Variants in KIZ observed in about 807,000 individuals in gnomAD.
KIZ encodes kizuna centrosomal protein.
Under a neutral mutation model 79.6 loss-of-function variants are expected in KIZ, and 68 were observed. The observed-to-expected ratio is 0.85, with a 90% CI of 0.70 to 1.05. The LOEUF is 1.05. Among genes scored for constraint, KIZ ranks in the 50% least tolerant of loss-of-function variants. The pLI is 0.00. For synonymous variants in KIZ, 280 were observed against 281.8 expected, an observed-to-expected ratio of 0.99 and a Z score of 0.06; for missense variants, 797 against 800.4, an observed-to-expected ratio of 1.00 and a Z score of 0.05.
intron 6 of KIZ, among the ~76,000 whole-genome samples, chr20:21,164,224 G>T (rs891962223): frequency 2.6e-5 from 4 of 152,044 alleles, no homozygotes; most frequent in African/African-American, 9.7e-5. Context: ...TTAATATATT[G>T]CCTCTTACCA....
At chr20:21,160,353 T>G (rs2033596295) in intron 4 of KIZ, among the ~76,000 whole-genome samples, 1 of 152,092 alleles carries the variant, frequency 6.6e-6, no homozygotes, top group African/African-American at 2.4e-5. Flanking sequence ...ACTCACCAGT[T>G]AAAACTCCCC....
chr20:21,127,936 G>A (rs1410533111), intron 1 of KIZ, among the ~76,000 whole-genome samples: 1 of 152,224 alleles, frequency 6.6e-6, no homozygotes, highest in Non-Finnish European at 1.5e-5. Flanking sequence ...AAAGCTGAAA[G>A]CTGTAGTTTT....
chr20:21,149,122 T>G (rs1396495923), intron 4 of KIZ, among the ~76,000 whole-genome samples: 1 of 152,112 alleles, frequency 6.6e-6, no homozygotes, highest in African/African-American at 2.4e-5. Flanking sequence ...TTTAGTTAAC[T>G]TGCCGAAAAC....
Position 21,134,124 on chromosome 20 carries a change from G to A in KIZ, c.152+1965G>A, listed in dbSNP as rs1415408502. On this transcript the variant is annotated intron_variant, in intron 2 of 12. Coordinates refer to ENST00000619189, the MANE Select transcript of KIZ (RefSeq NM_018474.6). ...TGTGGCGACTGTGGCGACTGTGGAT[G>A]GTAGAAAAAAGGTCGGGCCAGGAGG... is the stretch of plus-strand genomic sequence containing the variant. 2.0e-5 allele frequency among the ~76,000 whole-genome samples: 3 copies of A among 152,136 alleles called. No homozygotes were observed. The East Asian group carries it at 5.8e-4, about 29-fold the overall frequency.
rs117767941 is a variant in KIZ at position 21,139,368 on chromosome 20, G to T, written c.315+2816G>T. 5.9e-3 allele frequency among the ~76,000 whole-genome samples: 898 copies of T among 152,172 alleles called. 6 individuals are homozygous for T. The highest frequency in any genetic ancestry group is 0.017 in the Middle Eastern group (5 of 294). On this transcript the variant is annotated intron_variant, in intron 3 of 12. Transcript: ENST00000619189. Reference sequence around the variant, plus strand: ...TCTTTTTAATGGAGAGGGGTATTTAGAAACCAAGATATATGGTTAAATGTG... The same window carrying T: ...TCTTTTTAATGGAGAGGGGTATTTATAAACCAAGATATATGGTTAAATGTG...
chr20:21,215,921 G>A (rs145754472), intron 9 of KIZ, among the ~76,000 whole-genome samples: 12 of 152,212 alleles, frequency 7.9e-5, no homozygotes, highest in African/African-American at 2.4e-4. Flanking sequence ...CAGCACCTGC[G>A]TCTCTGTAAA....
chr20:21,195,697 A>G (rs1484225134), intron 6 of KIZ: 8 of 152,220 alleles, frequency 5.3e-5, no homozygotes, highest in Admixed American at 2.6e-4. Flanking sequence ...AACCTTTTGA[A>G]TTAGTCACCA....
At chr20:21,203,062 TA>T (rs2035663157) in intron 6 of KIZ, among the ~76,000 whole-genome samples, 1 of 152,240 alleles carries the variant, frequency 6.6e-6, no homozygotes, top group South Asian at 2.1e-4. Context: ...TTCTTCAGTT[TA>T]TCTAATACCT....
At chr20:21,206,429 A>G (rs1212630515) in intron 7 of KIZ, among the ~76,000 whole-genome samples, 1 of 152,112 alleles carries the variant, frequency 6.6e-6, no homozygotes, top group East Asian at 1.9e-4. Context: ...CAGTGGCATG[A>G]GAGGTGATCT....
At chr20:21,161,409 G>A (rs2033647653) in intron 4 of KIZ, among the ~76,000 whole-genome samples, 1 of 152,148 alleles carries the variant, frequency 6.6e-6, no homozygotes, top group Non-Finnish European at 1.5e-5. Context: ...TCGGCTGACT[G>A]CAGCCTCTGC....
chr20:21,216,720 C>T (rs1367860562), intron 9 of KIZ, among the ~76,000 whole-genome samples: 1 of 152,112 alleles, frequency 6.6e-6, no homozygotes, highest in East Asian at 1.9e-4. Context: ...ACCATGAAGT[C>T]ATTTGGATAC....
chr20:21,162,539 T>A, intron 5 of KIZ, 32 bp downstream of exon 5: 1 of 1,565,760 alleles, frequency 6.4e-7, no homozygotes. Context: ...GGTTGCTGAT[T>A]TTTCTGGGTG....
intron 11 of KIZ, among the ~76,000 whole-genome samples, chr20:21,240,443 G>A (rs913175760): frequency 2.6e-5 from 4 of 152,214 alleles, no homozygotes; most frequent in Admixed American, 6.5e-5. Context: ...GAGACCGGCG[G>A]AACATGGTTA....
chr20:21,146,085 C>CA (rs2032831088), intron 4 of KIZ, among the ~76,000 whole-genome samples: 1 of 152,146 alleles, frequency 6.6e-6, no homozygotes, highest in East Asian at 1.9e-4. Context: ...AAGCAATAGA[C>CA]AAAAAGATCG....
At chr20:21,221,183 C>T (rs371466485) in intron 9 of KIZ, among the ~76,000 whole-genome samples, 3 of 152,142 alleles carry the variant, frequency 2.0e-5, no homozygotes, top group Non-Finnish European at 2.9e-5. Flanking sequence ...TGAAAATTTC[C>T]CACATTGACA....
chr20:21,134,063 T>C (rs1369654100), intron 2 of KIZ, among the ~76,000 whole-genome samples: 5 of 152,124 alleles, frequency 3.3e-5, no homozygotes, highest in Admixed American at 2.6e-4. Flanking sequence ...AGGCAGACGC[T>C]CTCAGGTTAT....
intron 7 of KIZ, among the ~76,000 whole-genome samples, chr20:21,209,350 C>A (rs906520722): frequency 1.3e-5 from 2 of 152,136 alleles, no homozygotes; most frequent in South Asian, 2.1e-4. Flanking sequence ...ATACAAGATG[C>A]CTTAATATTA....
At chr20:21,127,396 T>C (rs926443138) in intron 1 of KIZ, among the ~76,000 whole-genome samples, 1 of 152,230 alleles carries the variant, frequency 6.6e-6, no homozygotes, top group African/African-American at 2.4e-5. Context: ...GGCATTCTTT[T>C]TGAACTATTA....
chr20:21,244,479 CG>C (rs2037324450), intron 12 of KIZ, 191 bp downstream of exon 12: 1 of 596,310 alleles, frequency 1.7e-6, no homozygotes. Context: ...CAGGACCACA[CG>C]GGTGCCATGG....
Sources: allele counts gnomAD v4.1 joint callset (sites outside exome capture counted in the v4.1 genomes callset), GRCh38; gene constraint gnomAD v4.1.1; transcripts MANE v1.5; gene names NCBI Gene and HGNC (gene_info 2026-07-23, HGNC 2026-07-21).